ITGA6: variants seen among roughly 807,000 people sequenced by gnomAD.
ITGA6 encodes the protein integrin subunit alpha 6.
Under a neutral mutation model 133.6 loss-of-function variants are expected in ITGA6, and 63 were observed. That is an observed-to-expected ratio of 0.47 (90% CI 0.38 to 0.58). The LOEUF (loss-of-function observed/expected upper bound fraction) is 0.58, where lower values mean the gene tolerates loss of function less well. ITGA6 is among the 20% of genes least tolerant of loss of function. The pLI is 0.00. For missense variants in ITGA6, 1,068 were observed against 1,309.4 expected (o/e 0.82, Z 2.85); for synonymous variants, 434 against 482.0 (o/e 0.90, Z 1.30).
chr2:172,488,358 G>A (rs1313807394), intron 19 of ITGA6, 130 bp downstream of exon 19: 4 of 732,014 alleles, frequency 5.5e-6, no homozygotes, highest in Admixed American at 2.2e-5. Flanking sequence ...TTAAAAATTA[G>A]TTTGCCAGCT....
chr2:172,435,616 CTTTTTTTT>C (rs58005683), intron 1 of ITGA6, among the ~76,000 whole-genome samples: 103 of 82,250 alleles, frequency 1.3e-3, no homozygotes, highest in Non-Finnish European at 2.0e-3. Context: ...AGTTTTGTTT[CTTTTTTTT>C]TTTTTTTTTT....
intron 1 of ITGA6, among the ~76,000 whole-genome samples, chr2:172,452,249 G>C (rs1441131008): frequency 6.6e-6 from 1 of 152,150 alleles, no homozygotes. Flanking sequence ...GGCTCCCTTT[G>C]AACCTTTGTC....
At chr2:172,459,167 A>G (rs965889606) in intron 1 of ITGA6, among the ~76,000 whole-genome samples, 6 of 152,210 alleles carry the variant, frequency 3.9e-5, no homozygotes, top group East Asian at 1.9e-4. Context: ...GAGGTCCCAC[A>G]TAGGCTCACC....
chr2:172,464,777 G>C (rs77017462), intron 1 of ITGA6, among the ~76,000 whole-genome samples: 2,376 of 152,278 alleles, frequency 0.016, 62 homozygotes, highest in African/African-American at 0.054. Context: ...TACACCAGTT[G>C]TCCCTGAATC....
intron 24 of ITGA6, among the ~76,000 whole-genome samples, chr2:172,498,629 A>G (rs1370329249): frequency 1.3e-5 from 2 of 152,220 alleles, no homozygotes; most frequent in African/African-American, 4.8e-5. Context: ...GTTCAATATG[A>G]TGTTCCTCAT....
chr2:172,493,197 T>TG (rs1231485063), intron 23 of ITGA6, among the ~76,000 whole-genome samples: 1 of 152,134 alleles, frequency 6.6e-6, no homozygotes, highest in East Asian at 1.9e-4. Flanking sequence ...TGTGAGCCAC[T>TG]GCACCCAGCC....
intron 2 of ITGA6, 40 bp from the exon 3 acceptor site, chr2:172,467,441 G>T (rs749763075): frequency 1.1e-5 from 17 of 1,485,396 alleles, no homozygotes; most frequent in Non-Finnish European, 1.6e-5. Context: ...TTTCTAGCAT[G>T]TGCAGTCACT....
At chr2:172,453,795 C>T (rs1685101538) in intron 1 of ITGA6, among the ~76,000 whole-genome samples, 1 of 152,188 alleles carries the variant, frequency 6.6e-6, no homozygotes, top group Admixed American at 6.5e-5. Flanking sequence ...TGGAGTTTGT[C>T]TTTTAATTGT....
chr2:172,461,472 C>A (rs934046585), intron 1 of ITGA6, among the ~76,000 whole-genome samples: 1 of 152,194 alleles, frequency 6.6e-6, no homozygotes, highest in Non-Finnish European at 1.5e-5. Flanking sequence ...TCAGGCTCTG[C>A]TCTGTTAATT....
At chr2:172,465,792 G>GT (rs1287242518) in intron 2 of ITGA6, 129 bp downstream of exon 2, 4 of 1,278,964 alleles carry the variant, frequency 3.1e-6, no homozygotes, top group East Asian at 2.3e-5. Flanking sequence ...AGACTTGACT[G>GT]TTTTTTATTT....
intron 11 of ITGA6, among the ~76,000 whole-genome samples, chr2:172,482,097 T>G (rs1411032898): frequency 2.0e-5 from 3 of 152,210 alleles, no homozygotes; most frequent in African/African-American, 7.2e-5. Context: ...GAGCACTCCT[T>G]GACTTCCCCC....
intron 5 of ITGA6, 122 bp downstream of exon 5, chr2:172,471,227 A>C (rs1685921397): frequency 1.4e-5 from 15 of 1,095,760 alleles, no homozygotes; most frequent in African/African-American, 3.1e-5. Context: ...GGGCCGGGCC[A>C]CTTTTGCTGG....
intron 1 of ITGA6, among the ~76,000 whole-genome samples, chr2:172,454,660 C>T (rs11901314): frequency 0.14 from 20,789 of 152,200 alleles, 2,454 homozygotes; most frequent in African/African-American, 0.32. Flanking sequence ...AAGCCTATGT[C>T]CTGACCCTCC....
At chr2:172,477,378 A>T (rs1179628191) in intron 9 of ITGA6, among the ~76,000 whole-genome samples, 1 of 152,190 alleles carries the variant, frequency 6.6e-6, no homozygotes, top group Non-Finnish European at 1.5e-5. Flanking sequence ...AATTTTCAAA[A>T]AGTAGCAGAT....
chr2:172,453,580 T>G (rs939740385), intron 1 of ITGA6, among the ~76,000 whole-genome samples: 2 of 152,200 alleles, frequency 1.3e-5, no homozygotes, highest in Non-Finnish European at 2.9e-5. Context: ...TTTTAAGAAC[T>G]AGAGCCTTCG....
At chr2:172,479,865 C>G in intron 10 of ITGA6, 125 bp from the exon 11 acceptor site, 1 of 1,099,328 alleles carries the variant, frequency 9.1e-7, no homozygotes, top group Non-Finnish European at 1.4e-6. Flanking sequence ...GAGGGTCTGT[C>G]AAGTGTTTTT....
At chr2:172,457,610 T>C (rs779047822) in intron 1 of ITGA6, among the ~76,000 whole-genome samples, 1 of 152,212 alleles carries the variant, frequency 6.6e-6, no homozygotes, top group Non-Finnish European at 1.5e-5. Context: ...TCATAAAGCT[T>C]AAATATATAT....
At position 172,474,785 on chromosome 2, in the gene ITGA6, T is replaced by TTA. The variant is rs1292606958; in HGVS notation, c.987-143_987-142insAT. On this transcript the variant is annotated intron_variant, in intron 6 of 25. Transcript: ENST00000684293. ...GGGCGTTTATTATAGGCTACCTTGG[T>TTA]TTTTAAAAAATGTTATAATTGAGTC... The TTA allele has an allele frequency of 8.8e-5, 61 of 692,180 alleles. No individual in the cohort carries two copies. In the South Asian group the frequency reaches 9.2e-4, roughly 10 times the overall value. 42.9% of individuals were successfully genotyped at this position (692,180 alleles called of 1,614,324 possible).
At position 172,467,543 on chromosome 2, in the gene ITGA6, C is replaced by G; in HGVS notation, c.370C>G (p.Pro124Ala). ...WMGVTVQSQG[P>A]GGKVVTCAHR... ...GGGGGTCACCGTCCAGAGCCAAGGTCCAGGGGGCAAGGTCGTGGTAAGTGT... is the reference window on the plus strand; with the variant it reads ...GGGGGTCACCGTCCAGAGCCAAGGTGCAGGGGGCAAGGTCGTGGTAAGTGT... The change falls in exon 3 of 26, where the codon CCA becomes GCA. Residue 124 changes from proline to alanine, a missense_variant. Pro to Ala is a conservative substitution (Grantham distance 27, BLOSUM62 -1). Transcript: ENST00000684293. The G allele has an allele frequency of 6.2e-7, 1 of 1,613,544 alleles. No homozygotes were observed. The highest frequency in any genetic ancestry group is 8.5e-7 in the Non-Finnish European group (1 of 1,179,592).
Sources: gnomAD v4.1 joint callset for allele counts (sites outside exome capture counted in the v4.1 genomes callset) on GRCh38, gnomAD v4.1.1 for gene constraint, MANE v1.5 for transcripts, NCBI Gene and HGNC (gene_info 2026-07-23, HGNC 2026-07-21) for gene names.